Variants in ZNF860 observed in about 807,000 individuals in gnomAD.
ZNF860 encodes zinc finger protein 860.
For missense variants in ZNF860, 641 were observed against 759.2 expected, an observed-to-expected ratio of 0.84 and a Z score of 1.83; for synonymous variants, 206 against 248.9, an observed-to-expected ratio of 0.83 and a Z score of 1.62.
rs771458446 is a variant in ZNF860, at chr3:31,990,320, C to CA, written c.1244dup (p.Asn415LysfsTer7). The CA allele has an allele frequency of 3.1e-6, 5 of 1,613,976 alleles. No homozygotes were observed. In the Admixed American group the frequency reaches 8.3e-5, roughly 27 times the overall value. ...GTCTTCAGTAATGCTACAACCATTG[C>CA]AAATCATTGGAGAATCCATAATGAA... On this transcript the variant is annotated frameshift_variant, in exon 2 of 2. Coordinates refer to ENST00000360311, the MANE Select transcript of ZNF860 (RefSeq NM_001137674.3). LOFTEE classifies it low-confidence loss of function (END_TRUNC).
chr3:31,996,444 C>G (rs764761163), downstream of ZNF860, among the ~76,000 whole-genome samples: 1 of 152,096 alleles, frequency 6.6e-6, no homozygotes, highest in Non-Finnish European at 1.5e-5. Flanking sequence ...TTCTCTGCAT[C>G]TAAATATGAG....
chr3:31,998,029 G>A, the ZNF860 span, among the ~76,000 whole-genome samples: 1 of 152,124 alleles, frequency 6.6e-6, no homozygotes. Context: ...CTGAGCTCAA[G>A]CAGTCCTCCC....
rs1409993384 is a variant in ZNF860 at position 31,981,879 on chromosome 3, G to A, written c.-444G>A. ...CCCTCCGCGTTGTCTGGCGGAGGAGGGGAGTGGCAGGTGATCCTCACAGGT... is the reference window on the plus strand; with the variant it reads ...CCCTCCGCGTTGTCTGGCGGAGGAGAGGAGTGGCAGGTGATCCTCACAGGT... On this transcript the variant is annotated 5_prime_UTR_variant, in exon 1 of 2. Transcript: ENST00000360311. This position sits in a 1 kb window ranked among gnomAD's most constrained non-coding sequence, Gnocchi z 4.5. 2.0e-5 allele frequency: 3 copies of A among 152,314 alleles called. No individual in the cohort carries two copies. The East Asian group carries it at 5.8e-4, about 29-fold the overall frequency. 9.4% of individuals were successfully genotyped at this position (152,314 alleles called of 1,614,324 possible). A position where few individuals can be genotyped will look rare whatever the true frequency, so the allele number is the denominator to read the frequency against.
chr3:31,990,297 C>T lies in ZNF860; in HGVS notation c.1218C>T (p.Val406=). 1 of 1,614,026 alleles carries T rather than the reference C, an allele frequency of 6.2e-7. No homozygotes were observed. The highest frequency in any genetic ancestry group is 1.1e-5 in the South Asian group (1 of 91,076). ...KLYKCNDCHK[V]FSNATTIANH... is the part of the protein sequence containing the mutation. ...ATAAATGTAATGATTGTCACAAAGT[C>T]TTCAGTAATGCTACAACCATTGCAA... The change falls in exon 2 of 2, where the codon GTC becomes GTT. Residue 406 remains valine, a synonymous_variant. Transcript: ENST00000360311.
chr3:31,993,681 T>TACACACACAC (rs139678560), downstream of ZNF860, among the ~76,000 whole-genome samples: 29 of 147,308 alleles, frequency 2.0e-4, no homozygotes, highest in African/African-American at 4.8e-4. Flanking sequence ...TACACACACA[T>TACACACACAC]ACACACACAC....
the ZNF860 span, among the ~76,000 whole-genome samples, chr3:32,001,382 A>G: frequency 6.6e-6 from 1 of 152,212 alleles, no homozygotes; most frequent in East Asian, 1.9e-4. Context: ...AATAATAATC[A>G]TAGGTATTAC....
chr3:31,990,185 C>T lies in ZNF860; in HGVS notation c.1106C>T (p.Pro369Leu), dbSNP rs767003055. 2 of 1,614,034 alleles carry T rather than the reference C, an allele frequency of 1.2e-6. No individual in the cohort carries two copies. Among genetic ancestry groups the T allele is most frequent in the East Asian group, 2.2e-5 (1 of 44,880 alleles). ...ACTAGAATTCACACTGGAGAGAAAC[C>T]TTACAAGTGTAATGAGTGTGGCAAA... ...QHTRIHTGEK[P>L]YKCNECGKAF... The change falls in exon 2 of 2, where the codon CCT (proline) becomes CTT (leucine). Residue 369 changes from proline to leucine, a missense_variant. Pro to Leu is a moderately conservative substitution (Grantham distance 98, BLOSUM62 -3). Transcript: ENST00000360311.
intron 1 of ZNF860, among the ~76,000 whole-genome samples, chr3:31,983,173 T>A (rs1698882874): frequency 6.6e-6 from 1 of 152,212 alleles, no homozygotes; most frequent in African/African-American, 2.4e-5. Context: ...TAGCTTTGCC[T>A]AAGCTAACTT....
At chr3:31,994,523 TG>T (rs1214273813), downstream of ZNF860, among the ~76,000 whole-genome samples, 144 of 152,122 alleles carry the variant, frequency 9.5e-4, no homozygotes, top group African/African-American at 3.4e-3. Flanking sequence ...GATGGATGGA[TG>T]GATGGATGGA....
chr3:31,988,988 T>A lies in ZNF860; in HGVS notation c.-92T>A. On this transcript the variant is annotated 5_prime_UTR_variant, in exon 2 of 2. Coordinates refer to ENST00000360311, the MANE Select transcript of ZNF860 (RefSeq NM_001137674.3). ...CCTTAAGCCACGAAGTTTGTGATAA[T>A]TTGTTTCTCGGAAACAGATAACTAA... 1.3e-6 allele frequency: 2 copies of A among 1,527,900 alleles called. No individual in the cohort carries two copies. Among genetic ancestry groups the A allele is most frequent in the Non-Finnish European group, 1.8e-6 (2 of 1,125,122 alleles). 94.6% of individuals were successfully genotyped at this position (1,527,900 alleles called of 1,614,324 possible).
At chr3:32,000,068 CTTTG>C in the ZNF860 span, among the ~76,000 whole-genome samples, 6 of 152,206 alleles carry the variant, frequency 3.9e-5, no homozygotes, top group East Asian at 1.9e-4. Context: ...CAATGGTTAT[CTTTG>C]TTTGTTTCTA....
chr3:31,996,338 T>C (rs1699089811), downstream of ZNF860, among the ~76,000 whole-genome samples: 1 of 152,196 alleles, frequency 6.6e-6, no homozygotes, highest in Non-Finnish European at 1.5e-5. Context: ...TAGAGAGGAC[T>C]TGATTTCTCT....
chr3:32,000,594 G>T, the ZNF860 span, among the ~76,000 whole-genome samples: 494 of 152,294 alleles, frequency 3.2e-3, 2 homozygotes, highest in Non-Finnish European at 4.9e-3. Flanking sequence ...ACATCTGTGC[G>T]AAATTGCGGG....
At chr3:31,992,115 C>T (rs1396347737), downstream of ZNF860, among the ~76,000 whole-genome samples, 1 of 140,812 alleles carries the variant, frequency 7.1e-6, no homozygotes, top group Non-Finnish European at 1.5e-5. Flanking sequence ...CACTGCACTC[C>T]AACCTAGGCA....
the ZNF860 span, among the ~76,000 whole-genome samples, chr3:32,003,098 C>G: frequency 1.3e-5 from 2 of 152,220 alleles, no homozygotes; most frequent in Non-Finnish European, 2.9e-5. Context: ...TGGGCAGAGG[C>G]ACCAGAGTGG....
chr3:31,990,309 T>G lies in ZNF860; in HGVS notation c.1230T>G (p.Ala410=). ...ATTGTCACAAAGTCTTCAGTAATGC[T>G]ACAACCATTGCAAATCATTGGAGAA... The part of the protein sequence containing the change: ...CNDCHKVFSN[A]TTIANHWRIH... The change falls in exon 2 of 2, where the codon GCT becomes GCG. Residue 410 remains alanine, a synonymous_variant. Coordinates refer to ENST00000360311, the MANE Select transcript of ZNF860 (RefSeq NM_001137674.3). 1.2e-6 allele frequency: 2 copies of G among 1,614,080 alleles called. No homozygotes were observed. The highest frequency in any genetic ancestry group is 1.7e-6 in the Non-Finnish European group (2 of 1,179,998).
chr3:32,000,367 T>C, the ZNF860 span, among the ~76,000 whole-genome samples: 1 of 152,190 alleles, frequency 6.6e-6, no homozygotes, highest in East Asian at 1.9e-4. Context: ...AGGATCAGAC[T>C]GCCTCCAACT....
the ZNF860 span, among the ~76,000 whole-genome samples, chr3:32,000,072 G>A: frequency 1.3e-5 from 2 of 152,106 alleles, no homozygotes; most frequent in African/African-American, 4.8e-5. Context: ...GGTTATCTTT[G>A]TTTGTTTCTA....
intron 1 of ZNF860, among the ~76,000 whole-genome samples, chr3:31,984,050 G>A (rs1698900067): frequency 1.3e-5 from 2 of 151,608 alleles, no homozygotes; most frequent in South Asian, 4.2e-4. Context: ...TTTTGTTTTT[G>A]TTTTGAGACT....
Sources: gnomAD v4.1 joint callset for allele counts (sites outside exome capture counted in the v4.1 genomes callset) on GRCh38, gnomAD v4.1.1 for gene constraint, Gnocchi (gnomAD v3.1) non-coding constraint, MANE v1.5 for transcripts, NCBI Gene and HGNC (gene_info 2026-07-23, HGNC 2026-07-21) for gene names.